Variants in SLC38A12 observed in about 807,000 individuals in gnomAD.
SLC38A12 encodes putative sodium-coupled neutral amino acid transporter 12.
At chr17:74,789,985 G>T in the SLC38A12 span, among the ~76,000 whole-genome samples, 1 of 136,296 alleles carries the variant, frequency 7.3e-6, no homozygotes, top group African/African-American at 2.9e-5. Flanking sequence ...CAGGGTCTTC[G>T]CTCTGTCACC....
the SLC38A12 span, among the ~76,000 whole-genome samples, chr17:74,791,912 C>T: frequency 5.0e-3 from 761 of 152,232 alleles, 5 homozygotes; most frequent in South Asian, 0.028. Flanking sequence ...TTTGGGAGGC[C>T]GAGGCAGGCG....
At chr17:74,806,884 G>A in the SLC38A12 span, among the ~76,000 whole-genome samples, 1 of 152,190 alleles carries the variant, frequency 6.6e-6, no homozygotes, top group Non-Finnish European at 1.5e-5. Flanking sequence ...ACGAGGGACA[G>A]CCTGTCACAG....
At chr17:74,838,674 C>T in the SLC38A12 span, 2 of 1,416,478 alleles carry the variant, frequency 1.4e-6, no homozygotes, top group East Asian at 2.6e-5. Flanking sequence ...TCAGTGTCCT[C>T]CTGCTGTAAG....
At chr17:74,818,689 G>A in the SLC38A12 span, among the ~76,000 whole-genome samples, 2 of 152,322 alleles carry the variant, frequency 1.3e-5, no homozygotes, top group Non-Finnish European at 1.5e-5. Context: ...CTTCCGAGCC[G>A]CCTGCCGCAT....
the SLC38A12 span, among the ~76,000 whole-genome samples, chr17:74,820,815 C>T: frequency 1.3e-5 from 2 of 152,196 alleles, no homozygotes; most frequent in African/African-American, 4.8e-5. Context: ...TGGGGGTGCA[C>T]GCTGATCCTG....
chr17:74,825,395 G>T, the SLC38A12 span, among the ~76,000 whole-genome samples: 2 of 152,258 alleles, frequency 1.3e-5, no homozygotes, highest in East Asian at 3.9e-4. Flanking sequence ...AGTTCTTTTT[G>T]CAAATGCACA....
chr17:74,837,683 G>A, the SLC38A12 span: 1 of 985,718 alleles, frequency 1.0e-6, no homozygotes, highest in African/African-American at 1.7e-5. Context: ...GGGCAATGTG[G>A]GGTTGGATGG....
chr17:74,804,670 G>A, the SLC38A12 span, among the ~76,000 whole-genome samples: 1 of 152,214 alleles, frequency 6.6e-6, no homozygotes, highest in African/African-American at 2.4e-5. Context: ...TTGAGCCACC[G>A]CAGGGCATGT....
chr17:74,795,070 C>G, the SLC38A12 span: 1 of 1,614,182 alleles, frequency 6.2e-7, no homozygotes, highest in Non-Finnish European at 8.5e-7. Context: ...ACCTCGCCAT[C>G]TATGCTGCTG....
the SLC38A12 span, among the ~76,000 whole-genome samples, chr17:74,832,046 C>G: frequency 5.3e-5 from 8 of 151,708 alleles, no homozygotes; most frequent in African/African-American, 1.7e-4. Context: ...GCTCCTCCCG[C>G]AGCCAGGGGA....
the SLC38A12 span, among the ~76,000 whole-genome samples, chr17:74,787,498 T>C: frequency 1.1e-3 from 169 of 151,786 alleles, no homozygotes; most frequent in African/African-American, 3.8e-3. Flanking sequence ...GGCGGGTGCC[T>C]GTAGTCCCAG....
At chr17:74,777,874 G>A in the SLC38A12 span, 204,910 of 340,094 alleles carry the variant, frequency 0.6, 63,068 homozygotes, top group Non-Finnish European at 0.65. Flanking sequence ...AGATCGAGCC[G>A]TTGCACTCCA....
At chr17:74,801,978 A>C in the SLC38A12 span, among the ~76,000 whole-genome samples, 1 of 149,944 alleles carries the variant, frequency 6.7e-6, no homozygotes, top group Admixed American at 6.6e-5. Flanking sequence ...GTGAACCCCC[A>C]CCACCCCACC....
chr17:74,789,238 AAG>A, the SLC38A12 span, among the ~76,000 whole-genome samples: 1 of 152,158 alleles, frequency 6.6e-6, no homozygotes, highest in South Asian at 2.1e-4. Context: ...TGCAGAAGGA[AAG>A]AACACAGGGG....
At chr17:74,803,300 G>C in the SLC38A12 span, among the ~76,000 whole-genome samples, 2 of 152,216 alleles carry the variant, frequency 1.3e-5, no homozygotes, top group Admixed American at 6.5e-5. Context: ...TGTTGCTGGA[G>C]AAACAGGCAG....
the SLC38A12 span, among the ~76,000 whole-genome samples, chr17:74,832,840 G>A: frequency 7.2e-5 from 11 of 152,188 alleles, no homozygotes; most frequent in Admixed American, 3.3e-4. Flanking sequence ...ACTCGTAGGC[G>A]GCAGCAAACA....
the SLC38A12 span, among the ~76,000 whole-genome samples, chr17:74,810,486 G>A: frequency 6.6e-6 from 1 of 152,236 alleles, no homozygotes; most frequent in Non-Finnish European, 1.5e-5. Context: ...TGCAGAGAGG[G>A]ACGTGCACTG....
chr17:74,830,976 A>T, the SLC38A12 span, among the ~76,000 whole-genome samples: 1 of 152,198 alleles, frequency 6.6e-6, no homozygotes, highest in Non-Finnish European at 1.5e-5. Flanking sequence ...GGCTCTGCCT[A>T]TGGGTGTCCT....
the SLC38A12 span, among the ~76,000 whole-genome samples, chr17:74,825,846 G>A: frequency 6.6e-6 from 1 of 152,200 alleles, no homozygotes; most frequent in Non-Finnish European, 1.5e-5. Context: ...AGCAAGTCAG[G>A]CCGTCATATA....
Sources: gnomAD v4.1 joint callset for allele counts (sites outside exome capture counted in the v4.1 genomes callset) on GRCh38, gnomAD v4.1.1 for gene constraint, MANE v1.5 for transcripts, NCBI Gene and HGNC (gene_info 2026-07-23, HGNC 2026-07-21) for gene names.